ADAMTS20: variants seen among roughly 807,000 people sequenced by gnomAD.
The protein encoded by ADAMTS20 is ADAM metallopeptidase with thrombospondin type 1 motif 20.
In ADAMTS20, 225 loss-of-function variants were observed where a neutral mutation model predicts 260.1. That is an observed-to-expected ratio of 0.87 (90% CI 0.78 to 0.97). The LOEUF is 0.97. Among genes scored for constraint, ADAMTS20 ranks in the 50% least tolerant of loss-of-function variants. ADAMTS20 has a pLI of 0.00. For missense variants in ADAMTS20, 2,400 were observed against 2,337.7 expected, an observed-to-expected ratio of 1.03 and a Z score of -0.55; for synonymous variants, 802 against 769.5, an observed-to-expected ratio of 1.04 and a Z score of -0.70.
intron 3 of ADAMTS20, among the ~76,000 whole-genome samples, chr12:43,524,719 TG>T (rs1270220044): frequency 5.3e-5 from 8 of 152,164 alleles, no homozygotes; most frequent in Admixed American, 3.9e-4. Context: ...CAAAATGCAG[TG>T]GAAACTTTCA....
intron 37 of ADAMTS20, among the ~76,000 whole-genome samples, chr12:43,359,657 C>T (rs1939826278): frequency 6.6e-6 from 1 of 151,476 alleles, no homozygotes; most frequent in African/African-American, 2.4e-5. Context: ...ACATGTAGAT[C>T]AAAGGAAAAA....
At chr12:43,430,254 GTT>G (rs1057371785) in intron 23 of ADAMTS20, 96 bp downstream of exon 23, 14 of 1,406,382 alleles carry the variant, frequency 1.0e-5, no homozygotes, top group Admixed American at 4.6e-5. Context: ...AGGCATACAA[GTT>G]TAAGTGGAAA....
intron 3 of ADAMTS20, among the ~76,000 whole-genome samples, chr12:43,522,140 G>A (rs990114849): frequency 6.6e-6 from 1 of 152,148 alleles, no homozygotes; most frequent in East Asian, 1.9e-4. Context: ...TGGCTGGGGA[G>A]GCCTCAGGAA....
downstream of ADAMTS20, among the ~76,000 whole-genome samples, chr12:43,353,051 A>G (rs189194861): frequency 4.8e-3 from 731 of 152,246 alleles, no homozygotes; most frequent in Middle Eastern, 6.8e-3. Flanking sequence ...GCAAAAATCT[A>G]TTAGTAGATT....
intron 3 of ADAMTS20, among the ~76,000 whole-genome samples, chr12:43,504,321 G>A (rs1274949921): frequency 6.6e-6 from 1 of 151,914 alleles, no homozygotes; most frequent in East Asian, 1.9e-4. Context: ...AGTGATGTTG[G>A]GCATTTCTTC....
At chr12:43,484,220 T>G (rs1055527785) in intron 7 of ADAMTS20, among the ~76,000 whole-genome samples, 3 of 152,042 alleles carry the variant, frequency 2.0e-5, no homozygotes, top group African/African-American at 7.2e-5. Context: ...GAAGACATAG[T>G]CTACCCAAAT....
intron 29 of ADAMTS20, among the ~76,000 whole-genome samples, chr12:43,393,481 A>G (rs532230304): frequency 6.6e-6 from 1 of 152,166 alleles, no homozygotes; most frequent in Admixed American, 6.5e-5. Context: ...GGTAAATTTT[A>G]GCGAATCCAC....
intron 37 of ADAMTS20, among the ~76,000 whole-genome samples, chr12:43,367,587 T>C (rs1012744220): frequency 2.0e-5 from 3 of 152,010 alleles, no homozygotes; most frequent in Non-Finnish European, 4.4e-5. Context: ...GAAACTAACA[T>C]ACTTACTGCT....
At chr12:43,460,988 A>ATATTTTTTTTT in intron 11 of ADAMTS20, among the ~76,000 whole-genome samples, 2 of 26,394 alleles carry the variant, frequency 7.6e-5, no homozygotes, top group African/African-American at 2.6e-4. Context: ...ATATATATAT[A>ATATTTTTTTTT]TTTTTTTTTT....
chr12:43,399,086 T>C lies in ADAMTS20; in HGVS notation c.4432A>G (p.Lys1478Glu). 1 of 1,525,614 alleles carries C rather than the reference T, an allele frequency of 6.6e-7. No individual in the cohort carries two copies. Among genetic ancestry groups the C allele is most frequent in the Non-Finnish European group, 8.8e-7 (1 of 1,135,360 alleles). 94.5% of individuals were successfully genotyped at this position (1,525,614 alleles called of 1,614,324 possible). ...ACRSVRCPSW[K>E]ANSWNECSVT... Reference sequence around the variant, plus strand: ...TATACCTCATTCCAGCTATTGGCTTTCCATGAAGGGCATCTGACAGATCTA... The same window carrying C: ...TATACCTCATTCCAGCTATTGGCTTCCCATGAAGGGCATCTGACAGATCTA... Residue 1478 changes from lysine (K) to glutamate (E), a missense_variant, in exon 29 of 39, where the codon AAA becomes GAA. Lys to Glu is a moderately conservative substitution (Grantham distance 56). Coordinates refer to ENST00000389420, the MANE Select transcript of ADAMTS20 (RefSeq NM_025003.5).
chr12:43,455,972 T>C (rs1941957957), intron 11 of ADAMTS20, among the ~76,000 whole-genome samples: 1 of 152,218 alleles, frequency 6.6e-6, no homozygotes, highest in Non-Finnish European at 1.5e-5. Context: ...AATGCTGCTA[T>C]GAGTATGAGT....
In ADAMTS20 at chr12:43,446,853, C is replaced by T. The variant is rs1035117698; in HGVS notation, c.2080-141G>A. On this transcript the variant is annotated intron_variant, in intron 14 of 38. Transcript: ENST00000389420. ...AAATATAGATAACTCTCAGAGGCTA[C>T]TATGAACACCTCTATGCACATGAAC... 1.1e-5 allele frequency: 7 copies of T among 659,456 alleles called. No homozygotes were observed. In the African/African-American group the frequency reaches 1.3e-4, roughly 12 times the overall value. 40.9% of individuals were successfully genotyped at this position (659,456 alleles called of 1,614,324 possible).
chr12:43,467,391 T>A (rs1478730692), intron 8 of ADAMTS20, among the ~76,000 whole-genome samples: 1 of 152,040 alleles, frequency 6.6e-6, no homozygotes, highest in Non-Finnish European at 1.5e-5. Flanking sequence ...TGGCAGCAGA[T>A]CCTATACAAT....
In ADAMTS20 at chr12:43,428,315, G is replaced by A; in HGVS notation, c.3871C>T (p.Leu1291Phe). 6.2e-7 allele frequency: 1 copy of A among 1,613,940 alleles called. No individual in the cohort carries two copies. The highest frequency in any genetic ancestry group is 8.5e-7 in the Non-Finnish European group (1 of 1,179,876). ...LSTNLPLTQK[L>F]EDNENQVVHP... is the part of the protein sequence containing the mutation. ...ACCACCTGATTTTCATTATCTTCAA[G>A]TTTTTGAGTTAATGGCAAATTCGTG... Residue 1291 changes from leucine to phenylalanine, a missense_variant, in exon 26 of 39, where the codon CTT becomes TTT. Physicochemically the swap from Leu to Phe is conservative, Grantham distance 22. Transcript: ENST00000389420.
chr12:43,424,591 T>C (rs1482094574), intron 28 of ADAMTS20, among the ~76,000 whole-genome samples: 1 of 152,076 alleles, frequency 6.6e-6, no homozygotes. Context: ...TTTTAAAGAA[T>C]ACTATTTGGT....
intron 11 of ADAMTS20, among the ~76,000 whole-genome samples, chr12:43,455,793 C>T (rs1941954140): frequency 6.6e-6 from 1 of 151,868 alleles, no homozygotes; most frequent in East Asian, 1.9e-4. Flanking sequence ...ACCGCAACCT[C>T]CGCCTCCCAC....
chr12:43,360,374 G>T (rs1168468957), intron 37 of ADAMTS20, among the ~76,000 whole-genome samples: 7 of 152,108 alleles, frequency 4.6e-5, no homozygotes, highest in Non-Finnish European at 1.0e-4. Context: ...TCTTGAACCT[G>T]GGAGGCAGAG....
At chr12:43,484,587 T>C (rs1942493658) in intron 7 of ADAMTS20, among the ~76,000 whole-genome samples, 1 of 152,132 alleles carries the variant, frequency 6.6e-6, no homozygotes, top group African/African-American at 2.4e-5. Flanking sequence ...CTAGAAGAGA[T>C]AATTTCAGAG....
intron 3 of ADAMTS20, among the ~76,000 whole-genome samples, chr12:43,518,494 T>C (rs1039466695): frequency 1.3e-5 from 2 of 152,154 alleles, no homozygotes; most frequent in African/African-American, 2.4e-5. Flanking sequence ...CTGCCAAGTA[T>C]TGGCATGCCC....
Sources: allele counts gnomAD v4.1 joint callset (sites outside exome capture counted in the v4.1 genomes callset), GRCh38; gene constraint gnomAD v4.1.1; transcripts MANE v1.5; gene names NCBI Gene and HGNC (gene_info 2026-07-23, HGNC 2026-07-21).